DAGLA: variants seen among roughly 807,000 people sequenced by gnomAD.
DAGLA encodes diacylglycerol lipase-alpha.
Under a neutral mutation model 102.6 loss-of-function variants are expected in DAGLA, and 22 were observed. That is an observed-to-expected ratio of 0.21 (90% CI 0.15 to 0.31). The LOEUF (loss-of-function observed/expected upper bound fraction) is 0.31. Among genes scored for constraint, DAGLA ranks in the 10% least tolerant of loss-of-function variants. The pLI, the probability that DAGLA is intolerant of heterozygous loss-of-function variation, is 1.00. For synonymous variants in DAGLA, 578 were observed against 628.9 expected (o/e 0.92, Z 1.21); for missense variants, 927 against 1,446.6 (o/e 0.64, Z 5.83).
rs140783797 is a variant in DAGLA at position 61,686,521 on chromosome 11, C to A, written c.-45+6017C>A. 2.0e-5 allele frequency among the ~76,000 whole-genome samples: 3 copies of A among 152,292 alleles called. No individual in the cohort carries two copies. Among genetic ancestry groups the A allele is most frequent in the Non-Finnish European group, 4.4e-5 (3 of 68,022 alleles). Reference sequence around the variant, plus strand: ...CTATTCTGGGAAGTTTCATCAAAACCTTTTCAGTGTTTGGGAGTTCTCTGA... The same window carrying A: ...CTATTCTGGGAAGTTTCATCAAAACATTTTCAGTGTTTGGGAGTTCTCTGA... On this transcript the variant is annotated intron_variant, in intron 1 of 19. Transcript: ENST00000257215. The surrounding 1 kb of genome is among the most constrained non-coding windows in gnomAD (Gnocchi z 5.2).
chr11:61,731,848 A>G (rs764805520), intron 9 of DAGLA, among the ~76,000 whole-genome samples: 3 of 151,950 alleles, frequency 2.0e-5, no homozygotes, highest in East Asian at 1.9e-4. Context: ...CCTTCTGCCC[A>G]CATCTTCCCT....
intron 1 of DAGLA, among the ~76,000 whole-genome samples, chr11:61,701,375 A>G (rs1487299983): frequency 5.9e-5 from 9 of 152,168 alleles, no homozygotes; most frequent in Admixed American, 5.9e-4. Context: ...GCCCTACTGC[A>G]TGCCTGCTGC....
rs754009642 is a variant in DAGLA at position 61,731,487 on chromosome 11, G to A, written c.974+46G>A. ...CCCCAGCGATTGCACCTCTCCTCCC[G>A]GGTGGTGTGTGAGGAAGGGCTACCG... On this transcript the variant is annotated intron_variant, in intron 9 of 19. Transcript: ENST00000257215. 6.2e-6 allele frequency: 10 copies of A among 1,605,756 alleles called. No homozygotes were observed. The East Asian group carries it at 6.7e-5, about 11-fold the overall frequency.
At chr11:61,715,849 C>G (rs1363440818) in intron 1 of DAGLA, among the ~76,000 whole-genome samples, 1 of 152,222 alleles carries the variant, frequency 6.6e-6, no homozygotes, top group African/African-American at 2.4e-5. Flanking sequence ...TGACATCACC[C>G]CAGTCTGTTC....
At chr11:61,705,501 T>A (rs516722) in intron 1 of DAGLA, among the ~76,000 whole-genome samples, 1 of 152,176 alleles carries the variant, frequency 6.6e-6, no homozygotes, top group Non-Finnish European at 1.5e-5. Flanking sequence ...CTTGTTCCGC[T>A]CTGCTCTCTC....
Position 61,723,417 on chromosome 11 carries a change from C to T in DAGLA, c.410-17C>T, listed in dbSNP as rs1288246508. The stretch of plus-strand genomic sequence containing the variant: ...TCCCCAGCGCCCCTACCTAATGCCT[C>T]CCACTGCTGCCCGCAGGAATGGTTG... On this transcript the variant is annotated splice_polypyrimidine_tract_variant and intron_variant, in intron 4 of 19. Transcript: ENST00000257215. 1.2e-6 allele frequency: 2 copies of T among 1,608,512 alleles called. No homozygotes were observed. The highest frequency in any genetic ancestry group is 2.2e-5 in the South Asian group (2 of 91,002).
chr11:61,682,580 C>T (rs1027525761), intron 1 of DAGLA, among the ~76,000 whole-genome samples: 81 of 152,164 alleles, frequency 5.3e-4, no homozygotes, highest in African/African-American at 1.9e-3. Flanking sequence ...GCTTGGGCAG[C>T]AGACGTGCCT....
At chr11:61,735,690 C>T (rs1323385106) in intron 11 of DAGLA, 46 bp downstream of exon 11, 1 of 1,612,920 alleles carries the variant, frequency 6.2e-7, no homozygotes, top group Non-Finnish European at 8.5e-7. Flanking sequence ...CTGCCTCCCT[C>T]TTCCTGTCCT....
chr11:61,701,386 C>T (rs1221634902), intron 1 of DAGLA, among the ~76,000 whole-genome samples: 2 of 152,192 alleles, frequency 1.3e-5, no homozygotes, highest in African/African-American at 4.8e-5. Flanking sequence ...TGCCTGCTGC[C>T]CGCCTCTCCC....
intron 1 of DAGLA, among the ~76,000 whole-genome samples, chr11:61,719,669 G>T (rs1236515064): frequency 1.3e-5 from 2 of 152,188 alleles, no homozygotes; most frequent in Non-Finnish European, 2.9e-5. Flanking sequence ...GCTGGGCTTT[G>T]TGCTGTTGGG....
chr11:61,708,309 G>C (rs1591033885), intron 1 of DAGLA, among the ~76,000 whole-genome samples: 5 of 148,056 alleles, frequency 3.4e-5, no homozygotes, highest in Admixed American at 2.0e-4. Flanking sequence ...CGCCCGACTT[G>C]GGGGTTGATT....
intron 1 of DAGLA, among the ~76,000 whole-genome samples, chr11:61,681,756 C>T (rs943219320): frequency 6.6e-5 from 10 of 152,128 alleles, no homozygotes; most frequent in African/African-American, 2.4e-4. Context: ...TGTCTGTCCT[C>T]TCTGCTTAGC....
In DAGLA at chr11:61,743,797, C is replaced by A; in HGVS notation, c.2437C>A (p.Leu813Met). 6.2e-7 allele frequency: 1 copy of A among 1,612,576 alleles called. No homozygotes were observed. Among genetic ancestry groups the A allele is most frequent in the South Asian group, 1.1e-5 (1 of 91,084 alleles). ...IRGSPSLHAV[L>M]ERDEGHLFYI... The stretch of plus-strand genomic sequence containing the variant: ...GGGCTCCCCCAGCCTCCACGCTGTG[C>A]TGGAGCGTGATGAAGGCCACCTCTT... Residue 813 changes from leucine (L) to methionine (M), a missense_variant, in exon 20 of 20, where the codon CTG (leucine) becomes ATG (methionine). Coordinates refer to ENST00000257215, the MANE Select transcript of DAGLA (RefSeq NM_006133.3).
In DAGLA at chr11:61,712,934, G is replaced by A. The variant is rs560507648; in HGVS notation, c.-44-7178G>A. 7.9e-5 allele frequency among the ~76,000 whole-genome samples: 12 copies of A among 152,318 alleles called. No individual in the cohort carries two copies. The East Asian group carries it at 2.3e-3, about 29-fold the overall frequency. ...GAAATCCCAGCTCTGCGATGTCCTC[G>A]TGGAGGGATCTTCGTGCAAACCATT... On this transcript the variant is annotated intron_variant, in intron 1 of 19. Transcript: ENST00000257215.
chr11:61,685,321 G>A (rs1177070593), intron 1 of DAGLA, among the ~76,000 whole-genome samples: 1 of 152,150 alleles, frequency 6.6e-6, no homozygotes, highest in Admixed American at 6.5e-5. Flanking sequence ...TGCTCTTGCG[G>A]CCGGAATCCT....
Position 61,744,160 on chromosome 11 carries a change from T to G in DAGLA, c.2800T>G (p.Tyr934Asp), listed in dbSNP as rs769767540. Residue 934 changes from tyrosine to aspartate, a missense_variant, in exon 20 of 20, where the codon TAC (tyrosine) becomes GAC (aspartate). Tyr to Asp is a radical substitution (Grantham distance 160). Transcript: ENST00000257215. ...DSKSSSFQDL[Y>D]CMVVPESPTS... The stretch of plus-strand genomic sequence containing the variant: ...CAAGAGCAGCTCCTTCCAAGACCTC[T>G]ACTGCATGGTGGTGCCCGAGAGCCC... The G allele has an allele frequency of 6.3e-5, 102 of 1,612,936 alleles. No individual in the cohort carries two copies. The highest frequency in any genetic ancestry group is 8.4e-5 in the Non-Finnish European group (99 of 1,179,996).
chr11:61,699,054 C>T (rs1012436162), intron 1 of DAGLA, among the ~76,000 whole-genome samples: 7 of 152,210 alleles, frequency 4.6e-5, no homozygotes, highest in African/African-American at 1.7e-4. Context: ...ATGCTATGCA[C>T]CCTCAGAAAG....
intron 1 of DAGLA, among the ~76,000 whole-genome samples, chr11:61,710,542 G>T (rs1254280351): frequency 6.6e-6 from 1 of 152,058 alleles, no homozygotes; most frequent in Non-Finnish European, 1.5e-5. Context: ...CAGGGGTGTT[G>T]GGTCCCCTCT....
At position 61,743,795 on chromosome 11, in the gene DAGLA, T is replaced by G; in HGVS notation, c.2435T>G (p.Val812Gly). ...CGGGGCTCCCCCAGCCTCCACGCTG[T>G]GCTGGAGCGTGATGAAGGCCACCTC... ...SIRGSPSLHA[V>G]LERDEGHLFY... The change falls in exon 20 of 20, where the codon GTG becomes GGG. Residue 812 changes from valine (V) to glycine (G), a missense_variant. Val to Gly is a moderately radical substitution (Grantham distance 109). Transcript: ENST00000257215. 2 of 1,612,562 alleles carry G rather than the reference T, an allele frequency of 1.2e-6. No individual in the cohort carries two copies. Among genetic ancestry groups the G allele is most frequent in the Non-Finnish European group, 1.7e-6 (2 of 1,179,932 alleles).
Sources: allele counts gnomAD v4.1 joint callset (sites outside exome capture counted in the v4.1 genomes callset), GRCh38; gene constraint gnomAD v4.1.1; non-coding constraint Gnocchi (gnomAD v3.1); transcripts MANE v1.5; gene names NCBI Gene and HGNC (gene_info 2026-07-23, HGNC 2026-07-21).